RBFOX1: variants seen among roughly 807,000 people sequenced by gnomAD.
RBFOX1 encodes the protein RNA binding protein fox-1 homolog 1.
In RBFOX1, 8 loss-of-function variants were observed where a neutral mutation model predicts 57.7. That is an observed-to-expected ratio of 0.14 (90% CI 0.08 to 0.25). RBFOX1 has a LOEUF of 0.25. RBFOX1 is among the 10% of genes least tolerant of loss of function. The probability of loss-of-function intolerance (pLI) is 1.00; values close to 1 mark genes in which losing one functional copy is unlikely to be tolerated. For synonymous variants in RBFOX1, 326 were observed against 222.4 expected (o/e 1.47, Z -4.15); for missense variants, 611 against 548.5 (o/e 1.11, Z -1.14).
At chr16:6,909,145 A>G (rs1357626255) in intron 3 of RBFOX1, among the ~76,000 whole-genome samples, 1 of 152,208 alleles carries the variant, frequency 6.6e-6, no homozygotes, top group African/African-American at 2.4e-5. Flanking sequence ...AGTAAAATCA[A>G]ACGTCAACAG....
chr16:6,004,869 C>T (rs1451434817), intron 4 of RBFOX1, among the ~76,000 whole-genome samples: 1 of 152,132 alleles, frequency 6.6e-6, no homozygotes, highest in South Asian at 2.1e-4. Context: ...GAATCCTGAG[C>T]TGCTGGTGAT....
chr16:7,430,253 C>T (rs968601963), intron 4 of RBFOX1, among the ~76,000 whole-genome samples: 9 of 152,268 alleles, frequency 5.9e-5, no homozygotes, highest in Admixed American at 1.3e-4. Flanking sequence ...TTCCCTATTT[C>T]GAAAATTATT....
intron 2 of RBFOX1, among the ~76,000 whole-genome samples, chr16:6,539,132 A>G (rs979204097): frequency 2.6e-5 from 4 of 151,894 alleles, no homozygotes; most frequent in African/African-American, 9.7e-5. Flanking sequence ...GTGAAAAAAA[A>G]AAAGAAAATT....
chr16:6,895,985 C>G (rs1161900354), intron 3 of RBFOX1, among the ~76,000 whole-genome samples: 1 of 151,906 alleles, frequency 6.6e-6, no homozygotes, highest in Non-Finnish European at 1.5e-5. Flanking sequence ...TACAGGCATG[C>G]TGTGTGAAAT....
intron 4 of RBFOX1, among the ~76,000 whole-genome samples, chr16:7,431,019 A>C (rs1268436418): frequency 6.6e-6 from 1 of 152,194 alleles, no homozygotes; most frequent in Non-Finnish European, 1.5e-5. Context: ...ACAATCATCA[A>C]ACAGGAGTCT....
At chr16:6,150,857 G>C (rs76278544) in intron 1 of RBFOX1, among the ~76,000 whole-genome samples, 1,971 of 152,274 alleles carry the variant, frequency 0.013, 40 homozygotes, top group African/African-American at 0.043. Flanking sequence ...ACCATTTGCA[G>C]CATGTCAGGT....
chr16:6,968,672 A>C (rs542510117), intron 3 of RBFOX1, among the ~76,000 whole-genome samples: 3 of 152,250 alleles, frequency 2.0e-5, no homozygotes, highest in African/African-American at 7.2e-5. Flanking sequence ...GAAGCCCACA[A>C]GGTGCTGGCC....
intron 1 of RBFOX1, among the ~76,000 whole-genome samples, chr16:6,132,964 CAA>C (rs144051004): frequency 1.1e-4 from 8 of 70,146 alleles, no homozygotes; most frequent in Admixed American, 1.5e-4. Flanking sequence ...GACTCTGTCT[CAA>C]AAAAAAAAAA....
rs546956673 is a variant in RBFOX1 at position 7,504,927 on chromosome 16, C to T, written c.28-13220C>T. On this transcript the variant is annotated intron_variant, in intron 4 of 15. Coordinates refer to ENST00000550418, the MANE Select transcript of RBFOX1 (RefSeq NM_018723.4). ...TAATACGGCATTTGAAGCAATTTCG[C>T]AAACAGACAGGTGAAGCCCTACGCA... Among the ~76,000 whole-genome samples the T allele has an allele frequency of 4.6e-4, 68 of 148,618 alleles. 1 individual carries two copies. Among genetic ancestry groups the T allele is most frequent in the African/African-American group, 1.7e-3 (66 of 39,400 alleles).
chr16:7,197,566 A>C (rs1290096797), intron 4 of RBFOX1, among the ~76,000 whole-genome samples: 1 of 152,092 alleles, frequency 6.6e-6, no homozygotes, highest in African/African-American at 2.4e-5. Context: ...AAGCAATTCC[A>C]CTTGGAAGTT....
At chr16:7,666,231 G>C (rs1201915956) in intron 13 of RBFOX1, among the ~76,000 whole-genome samples, 6 of 152,120 alleles carry the variant, frequency 3.9e-5, no homozygotes, top group Non-Finnish European at 8.8e-5. Flanking sequence ...ACTCCATGCA[G>C]CCCATGGGTA....
chr16:6,696,231 T>A (rs1309744481), intron 3 of RBFOX1, among the ~76,000 whole-genome samples: 1 of 152,226 alleles, frequency 6.6e-6, no homozygotes, highest in Non-Finnish European at 1.5e-5. Context: ...GTATACAATA[T>A]CTGTTTGTAC....
intron 3 of RBFOX1, among the ~76,000 whole-genome samples, chr16:6,943,480 A>C (rs1327183969): frequency 1.3e-5 from 2 of 152,158 alleles, no homozygotes; most frequent in Admixed American, 6.5e-5. Flanking sequence ...AGTCTGAGGC[A>C]GGCGGATCAC....
chr16:7,285,257 T>C (rs947159462), intron 4 of RBFOX1, among the ~76,000 whole-genome samples: 5 of 152,080 alleles, frequency 3.3e-5, no homozygotes, highest in African/African-American at 1.2e-4. Flanking sequence ...ATGTACCCTT[T>C]ACACAGTTTT....
intron 3 of RBFOX1, among the ~76,000 whole-genome samples, chr16:6,771,070 A>C (rs546612698): frequency 6.6e-6 from 1 of 152,094 alleles, no homozygotes; most frequent in Admixed American, 6.6e-5. Context: ...GTTGGGCCCG[A>C]ATCCAGTGTG....
chr16:6,371,890 G>C (rs983714369), intron 2 of RBFOX1, among the ~76,000 whole-genome samples: 1 of 152,130 alleles, frequency 6.6e-6, no homozygotes, highest in Non-Finnish European at 1.5e-5. Flanking sequence ...TTGTTATTAC[G>C]AGTTATCTTT....
intron 4 of RBFOX1, among the ~76,000 whole-genome samples, chr16:5,895,639 C>T (rs1173969825): frequency 2.6e-5 from 4 of 152,294 alleles, no homozygotes; most frequent in African/African-American, 7.2e-5. Context: ...CTGCCACTAA[C>T]GTGCAGTCTA....
intron 14 of RBFOX1, among the ~76,000 whole-genome samples, chr16:7,704,346 C>T (rs1267902143): frequency 6.6e-6 from 1 of 152,178 alleles, no homozygotes; most frequent in Admixed American, 6.5e-5. Flanking sequence ...AGTTTTATGG[C>T]AACTTGGCCA....
rs376564987 is a variant in RBFOX1, at chr16:7,088,416, G to T, written c.27+36318G>T. Among the ~76,000 whole-genome samples, 63 of 152,234 alleles carry T rather than the reference G, an allele frequency of 4.1e-4. 1 individual carries two copies. Among genetic ancestry groups the T allele is most frequent in the African/African-American group, 1.5e-3 (63 of 41,542 alleles). On this transcript the variant is annotated intron_variant, in intron 4 of 15. Transcript: ENST00000550418. ...TAGAGGAGAGTAGCGTCTTTCATTT[G>T]CTTTAACCAGATGTGTGTCCGTATG...
Sources: gnomAD v4.1 joint callset for allele counts (sites outside exome capture counted in the v4.1 genomes callset) on GRCh38, gnomAD v4.1.1 for gene constraint, MANE v1.5 for transcripts, NCBI Gene and HGNC (gene_info 2026-07-23, HGNC 2026-07-21) for gene names.